The following PPP4R3B variants were observed in gnomAD, a reference collection of about 807,000 sequenced individuals.
PPP4R3B encodes serine/threonine-protein phosphatase 4 regulatory subunit 3B.
Under a neutral mutation model 95.4 loss-of-function variants are expected in PPP4R3B, and 52 were observed. The observed-to-expected ratio is 0.54, with a 90% CI of 0.44 to 0.69. The LOEUF (loss-of-function observed/expected upper bound fraction) is 0.69, where lower values mean the gene tolerates loss of function less well. Ranked by LOEUF, PPP4R3B falls within the 30% of genes least tolerant of loss-of-function variation. PPP4R3B has a pLI of 0.00. For missense variants in PPP4R3B, 1,003 were observed against 1,005.9 expected, an observed-to-expected ratio of 1.00 and a Z score of 0.04; for synonymous variants, 407 against 343.9, an observed-to-expected ratio of 1.18 and a Z score of -2.03.
chr2:55,597,856 T>G (rs1044092999), intron 4 of PPP4R3B, among the ~76,000 whole-genome samples: 1 of 152,180 alleles, frequency 6.6e-6, no homozygotes, highest in Non-Finnish European at 1.5e-5. Context: ...GTTATGTATA[T>G]TCTACCTCAA....
At chr2:55,577,513 A>G (rs895385284) in intron 10 of PPP4R3B, among the ~76,000 whole-genome samples, 157 bp from the exon 11 acceptor site, 3 of 152,168 alleles carry the variant, frequency 2.0e-5, no homozygotes, top group African/African-American at 7.2e-5. Context: ...AATTATAACT[A>G]TATCTGCAAT....
intron 13 of PPP4R3B, among the ~76,000 whole-genome samples, chr2:55,566,894 TACTC>T (rs1037272897): frequency 1.3e-5 from 2 of 152,088 alleles, no homozygotes; most frequent in African/African-American, 2.4e-5. Context: ...TAGTTCCAAT[TACTC>T]AGGAGGCTGA....
At chr2:55,604,245 G>C (rs1461474023) in intron 2 of PPP4R3B, among the ~76,000 whole-genome samples, 169 bp from the exon 3 acceptor site, 1 of 152,146 alleles carries the variant, frequency 6.6e-6, no homozygotes, top group Non-Finnish European at 1.5e-5. Flanking sequence ...CAATACAATA[G>C]TAGCTTTGAT....
chr2:55,612,630 T>C (rs546238676), intron 2 of PPP4R3B, among the ~76,000 whole-genome samples: 26 of 152,076 alleles, frequency 1.7e-4, no homozygotes, highest in Middle Eastern at 3.4e-3. Flanking sequence ...CGAGACCCCA[T>C]CTTTACAAAT....
intron 16 of PPP4R3B, among the ~76,000 whole-genome samples, chr2:55,557,747 T>C (rs972055875): frequency 1.3e-5 from 2 of 152,190 alleles, no homozygotes; most frequent in African/African-American, 4.8e-5. Context: ...TCTGCTTGTC[T>C]TTCTACCTTT....
intron 15 of PPP4R3B, among the ~76,000 whole-genome samples, chr2:55,563,198 G>C (rs1021378180): frequency 6.6e-6 from 1 of 152,138 alleles, no homozygotes; most frequent in East Asian, 1.9e-4. Context: ...GCTCCGCCAC[G>C]CTGAGGCAAA....
chr2:55,567,263 G>A (rs1444719342), intron 13 of PPP4R3B, among the ~76,000 whole-genome samples: 3 of 152,166 alleles, frequency 2.0e-5, no homozygotes, highest in African/African-American at 7.2e-5. Context: ...CCAAAAGGAT[G>A]TTCTTGAATA....
At chr2:55,558,996 A>T (rs567432441) in intron 15 of PPP4R3B, 28 bp from the exon 16 acceptor site, 1 of 1,547,674 alleles carries the variant, frequency 6.5e-7, no homozygotes, top group Non-Finnish European at 8.8e-7. Context: ...TTTTGAACGT[A>T]TATCAATAAA....
At chr2:55,583,907 A>C (rs1241141776) in intron 7 of PPP4R3B, among the ~76,000 whole-genome samples, 2 of 152,204 alleles carry the variant, frequency 1.3e-5, no homozygotes, top group Non-Finnish European at 2.9e-5. Context: ...AGAATCAAAA[A>C]CTTTCCTTAA....
intron 3 of PPP4R3B, among the ~76,000 whole-genome samples, chr2:55,600,348 C>T (rs1692373093): frequency 7.6e-6 from 1 of 130,916 alleles, no homozygotes; most frequent in Admixed American, 9.6e-5. Flanking sequence ...ACTGCTTGAA[C>T]CTGGGAGGCG....
intron 16 of PPP4R3B, among the ~76,000 whole-genome samples, chr2:55,554,730 C>T (rs1246057843): frequency 6.6e-6 from 1 of 152,116 alleles, no homozygotes; most frequent in Non-Finnish European, 1.5e-5. Flanking sequence ...CTTTGGAGTA[C>T]AAAATTTTTG....
At chr2:55,579,626 T>C (rs1433597837) in intron 9 of PPP4R3B, 53 bp downstream of exon 9, 2 of 1,281,022 alleles carry the variant, frequency 1.6e-6, no homozygotes, top group East Asian at 2.5e-5. Flanking sequence ...TTAATATTTA[T>C]CTCATCCTTC....
At chr2:55,597,916 C>T (rs1013794801) in intron 4 of PPP4R3B, among the ~76,000 whole-genome samples, 1 of 151,990 alleles carries the variant, frequency 6.6e-6, no homozygotes, top group African/African-American at 2.4e-5. Flanking sequence ...ACACAGGCTA[C>T]TTAAAAATAT....
intron 1 of PPP4R3B, chr2:55,616,739 TA>T (rs746234353): frequency 1.3e-5 from 2 of 152,364 alleles, no homozygotes; most frequent in Non-Finnish European, 1.5e-5. Flanking sequence ...TTTTTTTTTT[TA>T]AAAACACTCG....
In PPP4R3B at chr2:55,617,042, T is replaced by G; in HGVS notation, c.142+102A>C. 4 of 1,370,056 alleles carry G rather than the reference T, an allele frequency of 2.9e-6. No individual in the cohort carries two copies. In the South Asian group the frequency reaches 5.9e-5, roughly 20 times the overall value. The allele number at this position is 1,370,056 out of a possible 1,614,324, so 84.9% of individuals were successfully genotyped here. ...AAGAGCCAGTTCAGAACCAACGCGC[T>G]GTCCCGAAGGAGTAGCAACGGTAAC... is the stretch of plus-strand genomic sequence containing the variant. On this transcript the variant is annotated intron_variant, in intron 1 of 16. Transcript: ENST00000616407.
chr2:55,567,858 T>C (rs1245109381), intron 13 of PPP4R3B, among the ~76,000 whole-genome samples: 3 of 152,186 alleles, frequency 2.0e-5, no homozygotes, highest in Non-Finnish European at 4.4e-5. Flanking sequence ...CATGAAACAT[T>C]TGGCCAATAA....
chr2:55,613,955 T>C (rs1426608760), intron 2 of PPP4R3B, among the ~76,000 whole-genome samples: 8 of 152,144 alleles, frequency 5.3e-5, no homozygotes, highest in African/African-American at 1.4e-4. Flanking sequence ...TTTACTTAAA[T>C]GTCTACCTTA....
intron 7 of PPP4R3B, among the ~76,000 whole-genome samples, chr2:55,584,502 C>T (rs1306135093): frequency 3.9e-5 from 6 of 152,156 alleles, no homozygotes; most frequent in Non-Finnish European, 8.8e-5. Context: ...ACCCCCTTCC[C>T]ACCCTTTCCC....
intron 11 of PPP4R3B, among the ~76,000 whole-genome samples, chr2:55,575,401 T>C (rs1015105689): frequency 6.6e-6 from 1 of 152,226 alleles, no homozygotes; most frequent in African/African-American, 2.4e-5. Flanking sequence ...AGGGCTCACA[T>C]GGACAATCAT....
Sources: gnomAD v4.1 joint callset for allele counts (sites outside exome capture counted in the v4.1 genomes callset) on GRCh38, gnomAD v4.1.1 for gene constraint, MANE v1.5 for transcripts, NCBI Gene and HGNC (gene_info 2026-07-23, HGNC 2026-07-21) for gene names.